Variants in MAGI1 observed in about 807,000 individuals in gnomAD.
MAGI1 encodes membrane associated guanylate kinase, WW and PDZ domain containing 1, also known as membrane-associated guanylate kinase, WW and PDZ domain-containing protein 1.
A neutral mutation model predicts 139.9 loss-of-function variants in MAGI1; 58 were observed. The ratio of observed to expected loss-of-function variants is 0.41; its 90% CI spans 0.34 to 0.52. The LOEUF (loss-of-function observed/expected upper bound fraction) is 0.52, where lower values mean the gene tolerates loss of function less well. Among genes scored for constraint, MAGI1 ranks in the 20% least tolerant of loss-of-function variants. MAGI1 has a pLI of 0.12. For synonymous variants in MAGI1, 812 were observed against 737.9 expected, an observed-to-expected ratio of 1.10 and a Z score of -1.63; for missense variants, 1,874 against 1,901.6, an observed-to-expected ratio of 0.99 and a Z score of 0.27.
chr3:65,642,792 T>C (rs1158294509), intron 1 of MAGI1, among the ~76,000 whole-genome samples: 3 of 152,098 alleles, frequency 2.0e-5, no homozygotes, highest in Non-Finnish European at 4.4e-5. Context: ...TATAAAAGAA[T>C]AACAATTAAG....
chr3:65,631,992 T>A (rs1434219613), intron 1 of MAGI1, among the ~76,000 whole-genome samples: 2 of 149,594 alleles, frequency 1.3e-5, no homozygotes, highest in Non-Finnish European at 3.0e-5. Flanking sequence ...ACCACTGCAC[T>A]CCAGCCGGGG....
At chr3:65,937,006 T>TGATGGTGGTGGTGGTGGTGATGGTGGTGG (rs2063096711) in intron 1 of MAGI1, among the ~76,000 whole-genome samples, 1 of 151,850 alleles carries the variant, frequency 6.6e-6, no homozygotes, top group African/African-American at 2.4e-5. Context: ...GTGGTGGTGG[T>TGATGGTGGTGGTGGTGGTGATGGTGGTGG]TGTTTTAATC....
chr3:65,450,849 C>T (rs181257492), intron 6 of MAGI1, among the ~76,000 whole-genome samples: 1 of 152,090 alleles, frequency 6.6e-6, no homozygotes, highest in Non-Finnish European at 1.5e-5. Flanking sequence ...GAAAGAAATA[C>T]AGGGACAATA....
intron 1 of MAGI1, among the ~76,000 whole-genome samples, chr3:65,925,635 C>CA (rs1419098665): frequency 2.0e-5 from 3 of 152,050 alleles, no homozygotes; most frequent in Non-Finnish European, 2.9e-5. Flanking sequence ...CCCAACCTCT[C>CA]AAAAAAATAG....
intron 1 of MAGI1, among the ~76,000 whole-genome samples, chr3:65,755,819 T>C (rs1577014625): frequency 6.6e-6 from 1 of 152,324 alleles, no homozygotes; most frequent in Non-Finnish European, 1.5e-5. Flanking sequence ...TGCCAACTCA[T>C]TTCAGATAGT....
At chr3:65,682,856 C>T (rs773634516) in intron 1 of MAGI1, among the ~76,000 whole-genome samples, 13 of 152,092 alleles carry the variant, frequency 8.5e-5, no homozygotes, top group Admixed American at 7.9e-4. Flanking sequence ...TGTATGACAG[C>T]GGTCCCCAAA....
At chr3:65,473,379 C>A (rs1201620768) in intron 4 of MAGI1, among the ~76,000 whole-genome samples, 2 of 152,094 alleles carry the variant, frequency 1.3e-5, no homozygotes, top group Non-Finnish European at 2.9e-5. Flanking sequence ...TTAACACATG[C>A]AAAGTGCCTG....
At chr3:65,649,132 G>A (rs923826803) in intron 1 of MAGI1, among the ~76,000 whole-genome samples, 4 of 152,130 alleles carry the variant, frequency 2.6e-5, no homozygotes, top group African/African-American at 9.7e-5. Flanking sequence ...CCAGCAACTT[G>A]GGATGCTGAG....
chr3:65,926,218 C>T (rs2062495573), intron 1 of MAGI1, among the ~76,000 whole-genome samples: 1 of 152,046 alleles, frequency 6.6e-6, no homozygotes. Context: ...TGTGTTATCA[C>T]CTACACTAAA....
intron 1 of MAGI1, among the ~76,000 whole-genome samples, chr3:66,020,983 A>G (rs2067929957): frequency 1.3e-5 from 2 of 152,140 alleles, no homozygotes; most frequent in South Asian, 2.1e-4. Flanking sequence ...ACACTAAAAC[A>G]TGATCTACCC....
chr3:65,991,116 C>G (rs1353191588), intron 1 of MAGI1, among the ~76,000 whole-genome samples: 2 of 151,852 alleles, frequency 1.3e-5, no homozygotes, highest in African/African-American at 4.8e-5. Context: ...GCGTGAAACT[C>G]CATTTCTACT....
intron 1 of MAGI1, among the ~76,000 whole-genome samples, chr3:65,920,617 C>T (rs28421025): frequency 0.013 from 1,948 of 152,190 alleles, 38 homozygotes; most frequent in African/African-American, 0.044. Flanking sequence ...CTTCCCCTTC[C>T]CAAAAACATT....
At chr3:65,656,389 C>T (rs1201116599) in intron 1 of MAGI1, among the ~76,000 whole-genome samples, 1 of 152,124 alleles carries the variant, frequency 6.6e-6, no homozygotes, top group Non-Finnish European at 1.5e-5. Context: ...AGTCTGGTGT[C>T]CGTTTTCAAA....
At chr3:65,511,687 C>T (rs1206652299) in intron 2 of MAGI1, among the ~76,000 whole-genome samples, 1 of 149,162 alleles carries the variant, frequency 6.7e-6, no homozygotes, top group African/African-American at 2.5e-5. Flanking sequence ...GAGACTTAGA[C>T]TCCCACATAT....
chr3:65,810,752 C>A (rs2041177665), intron 1 of MAGI1, among the ~76,000 whole-genome samples: 1 of 152,200 alleles, frequency 6.6e-6, no homozygotes, highest in African/African-American at 2.4e-5. Flanking sequence ...GAATCCCTCC[C>A]CAGGTCTACT....
intron 1 of MAGI1, among the ~76,000 whole-genome samples, chr3:65,915,355 C>T (rs1318769119): frequency 6.6e-6 from 1 of 152,214 alleles, no homozygotes; most frequent in Non-Finnish European, 1.5e-5. Flanking sequence ...TAACACATCG[C>T]TCCATGCCAA....
chr3:65,618,844 G>A (rs949474831), intron 2 of MAGI1, among the ~76,000 whole-genome samples: 3 of 152,130 alleles, frequency 2.0e-5, no homozygotes, highest in African/African-American at 7.2e-5. Flanking sequence ...GAGAGGTTAT[G>A]TGACTTGTGC....
chr3:65,539,123 G>A (rs551381590), intron 2 of MAGI1, among the ~76,000 whole-genome samples: 8 of 150,822 alleles, frequency 5.3e-5, no homozygotes, highest in African/African-American at 9.7e-5. Flanking sequence ...ACCAACTACC[G>A]TCAAACAGAC....
chr3:65,552,092 G>C (rs1307381547), intron 2 of MAGI1, among the ~76,000 whole-genome samples: 1 of 152,172 alleles, frequency 6.6e-6, no homozygotes, highest in African/African-American at 2.4e-5. Flanking sequence ...GTTTGGAATG[G>C]AGTGTCTGTA....
Sources: gnomAD v4.1 joint callset for allele counts (sites outside exome capture counted in the v4.1 genomes callset) on GRCh38, gnomAD v4.1.1 for gene constraint, MANE v1.5 for transcripts, NCBI Gene and HGNC (gene_info 2026-07-23, HGNC 2026-07-21) for gene names.